The following SMG6 variants were observed in gnomAD, a reference collection of about 807,000 sequenced individuals.
SMG6 encodes the protein telomerase-binding protein EST1A.
A neutral mutation model predicts 142.2 loss-of-function variants in SMG6; 66 were observed. The ratio of observed to expected loss-of-function variants is 0.46; its 90% CI spans 0.38 to 0.57. The LOEUF is 0.57. SMG6 is among the 20% of genes least tolerant of loss of function. SMG6 has a pLI of 0.00. For synonymous variants in SMG6, 779 were observed against 702.4 expected (o/e 1.11, Z -1.72); for missense variants, 1,793 against 1,832.0 (o/e 0.98, Z 0.39).
At chr17:2,195,332 C>T (rs1567674460) in intron 10 of SMG6, among the ~76,000 whole-genome samples, 1 of 152,222 alleles carries the variant, frequency 6.6e-6, no homozygotes, top group Non-Finnish European at 1.5e-5. Flanking sequence ...TCATCAACAA[C>T]ATCCAGAAGC....
At chr17:2,103,867 C>T (rs995342513) in intron 13 of SMG6, among the ~76,000 whole-genome samples, 1 of 152,070 alleles carries the variant, frequency 6.6e-6, no homozygotes, top group Non-Finnish European at 1.5e-5. Context: ...GGTAAGAAGT[C>T]GTCTCAAGAT....
chr17:2,136,584 AAC>A (rs1315883651), intron 13 of SMG6, among the ~76,000 whole-genome samples: 2 of 152,198 alleles, frequency 1.3e-5, no homozygotes, highest in East Asian at 3.8e-4. Flanking sequence ...ACATATGTTC[AAC>A]ACACACACGC....
At chr17:2,174,667 G>A (rs1023774007) in intron 12 of SMG6, among the ~76,000 whole-genome samples, 2 of 152,296 alleles carry the variant, frequency 1.3e-5, no homozygotes. Context: ...AAGAATCACC[G>A]GAGGGACGAG....
intron 9 of SMG6, among the ~76,000 whole-genome samples, chr17:2,240,408 C>T (rs1163797260): frequency 6.6e-6 from 1 of 151,556 alleles, no homozygotes; most frequent in Non-Finnish European, 1.5e-5. Context: ...TTTTAAAAAA[C>T]GAGCAAGATA....
rs146772252 is a variant in SMG6 at position 2,198,596 on chromosome 17, G to C, written c.2870-10081C>G. Among the ~76,000 whole-genome samples, 87 of 152,262 alleles carry C rather than the reference G, an allele frequency of 5.7e-4. 1 individual carries two copies. The East Asian group carries it at 0.014, about 25-fold the overall frequency. ...AGACATGAAAAATGGGGAAGGACGGGTGAAGGGTGCATAAGACCTCTCTGT... is the reference window on the plus strand; with the variant it reads ...AGACATGAAAAATGGGGAAGGACGGCTGAAGGGTGCATAAGACCTCTCTGT... On this transcript the variant is annotated intron_variant, in intron 10 of 18. Coordinates refer to ENST00000263073, the MANE Select transcript of SMG6 (RefSeq NM_017575.5).
chr17:2,225,248 T>C (rs1023763160), intron 10 of SMG6, among the ~76,000 whole-genome samples: 35 of 149,986 alleles, frequency 2.3e-4, no homozygotes, highest in African/African-American at 8.6e-4. Context: ...GAGGCTGAGG[T>C]GGGGAGATCA....
In SMG6 at chr17:2,060,353, G is replaced by A. The variant is rs1254952721; in HGVS notation, c.*1139C>T. The A allele has an allele frequency of 6.6e-6, 1 of 152,372 alleles. No individual in the cohort carries two copies. The highest frequency in any genetic ancestry group is 1.9e-4 in the East Asian group (1 of 5,182). 9.4% of individuals were successfully genotyped at this position (152,372 alleles called of 1,614,324 possible). On this transcript the variant is annotated 3_prime_UTR_variant, in exon 19 of 19. Coordinates refer to ENST00000263073, the MANE Select transcript of SMG6 (RefSeq NM_017575.5). ...AGTGTCAGTTTTTCCGGGGAGTGAG[G>A]GCAAAGCTAGAAACCAGGTTAGGCG...
Position 2,138,917 on chromosome 17 carries a change from G to A in SMG6, c.3357+33741C>T, listed in dbSNP as rs143120966. Among the ~76,000 whole-genome samples the A allele has an allele frequency of 1.6e-3, 246 of 152,316 alleles. 1 individual carries two copies. The highest frequency in any genetic ancestry group is 5.4e-3 in the African/African-American group (225 of 41,552). Reference sequence around the variant, plus strand: ...CATTTGAAGTGGAGGCTTGGGTCATGCATGGTTTATTTGAAACAAAGCCAT... The same window carrying A: ...CATTTGAAGTGGAGGCTTGGGTCATACATGGTTTATTTGAAACAAAGCCAT... On this transcript the variant is annotated intron_variant, in intron 13 of 18. Transcript: ENST00000263073.
rs536903424 is a variant in SMG6, at chr17:2,292,737, C to T, written c.2259-107G>A. 562 of 1,472,668 alleles carry T rather than the reference C, an allele frequency of 3.8e-4. 1 individual carries two copies. The African/African-American group carries it at 7.1e-3, about 19-fold the overall frequency. The allele number at this position is 1,472,668 out of a possible 1,614,324, so 91.2% of individuals were successfully genotyped here. The stretch of plus-strand genomic sequence containing the variant: ...ACATAAGGTAGAGTGTTAGATGTAA[C>T]CCTGGAGGGGTAAGGCATGACTACA... On this transcript the variant is annotated intron_variant, in intron 5 of 18. Coordinates refer to ENST00000263073, the MANE Select transcript of SMG6 (RefSeq NM_017575.5).
intron 8 of SMG6, chr17:2,256,223 A>C: frequency 6.6e-6 from 1 of 152,414 alleles, no homozygotes; most frequent in East Asian, 1.9e-4. Context: ...AAAAAAAGAA[A>C]ACTTAGGGTT....
chr17:2,098,487 T>G (rs1160629793), intron 13 of SMG6, among the ~76,000 whole-genome samples: 1 of 152,216 alleles, frequency 6.6e-6, no homozygotes, highest in Non-Finnish European at 1.5e-5. Flanking sequence ...GCTGACTTTT[T>G]GGACCAGGGT....
At chr17:2,228,331 C>A (rs542080188) in intron 10 of SMG6, among the ~76,000 whole-genome samples, 1 of 152,136 alleles carries the variant, frequency 6.6e-6, no homozygotes, top group Admixed American at 6.6e-5. Context: ...CAGGTTCAAG[C>A]GATTCTCCTG....
At chr17:2,226,271 G>A (rs1325932718) in intron 10 of SMG6, among the ~76,000 whole-genome samples, 14 of 93,988 alleles carry the variant, frequency 1.5e-4, no homozygotes, top group Non-Finnish European at 1.9e-4. Flanking sequence ...GTGAAACTCC[G>A]TCTCAAAAAA....
chr17:2,121,636 TGTGTGTGTGTAG>T lies in SMG6; in HGVS notation c.3358-35747_3358-35736del, dbSNP rs1476837181. On this transcript the variant is annotated intron_variant, in intron 13 of 18. Coordinates refer to ENST00000263073, the MANE Select transcript of SMG6 (RefSeq NM_017575.5). ...GTGTGTGTGTGTGTGTGTGTGTGTGTGTGTGTGTGTAGAGAGAGAGAGAGTATCACCCAGGCT... is the reference window on the plus strand; with the variant it reads ...GTGTGTGTGTGTGTGTGTGTGTGTGTAGAGAGAGAGAGTATCACCCAGGCT... Among the ~76,000 whole-genome samples the T allele has an allele frequency of 6.4e-4, 43 of 67,550 alleles. 2 individuals are homozygous for T. The South Asian group carries it at 0.014, about 22-fold the overall frequency. 44.3% of individuals were successfully genotyped at this position (67,550 alleles called of 152,430 possible).
At chr17:2,263,893 C>T (rs954325778) in intron 8 of SMG6, among the ~76,000 whole-genome samples, 1 of 152,048 alleles carries the variant, frequency 6.6e-6, no homozygotes, top group Non-Finnish European at 1.5e-5. Flanking sequence ...AATTCTGGCA[C>T]CTTTAAGAGC....
chr17:2,064,317 C>G (rs1042907665), intron 18 of SMG6, among the ~76,000 whole-genome samples: 26 of 152,052 alleles, frequency 1.7e-4, no homozygotes, highest in Non-Finnish European at 1.6e-4. Flanking sequence ...GCAGAAAACC[C>G]TAGTGTCATT....
At chr17:2,258,318 G>A (rs1296989863) in intron 8 of SMG6, among the ~76,000 whole-genome samples, 1 of 152,118 alleles carries the variant, frequency 6.6e-6, no homozygotes, top group African/African-American at 2.4e-5. Context: ...CACTTTGGGA[G>A]GCTGACGCAG....
At chr17:2,213,417 G>A (rs2072921028) in intron 10 of SMG6, among the ~76,000 whole-genome samples, 1 of 152,172 alleles carries the variant, frequency 6.6e-6, no homozygotes, top group African/African-American at 2.4e-5. Context: ...GCCTCTCAGC[G>A]CTAGGCCCTG....
At chr17:2,105,568 A>G (rs1315634516) in intron 13 of SMG6, among the ~76,000 whole-genome samples, 3 of 152,088 alleles carry the variant, frequency 2.0e-5, no homozygotes, top group African/African-American at 7.2e-5. Flanking sequence ...AAATAAATAA[A>G]TAACACTTGC....
Sources: allele counts gnomAD v4.1 joint callset (sites outside exome capture counted in the v4.1 genomes callset), GRCh38; gene constraint gnomAD v4.1.1; transcripts MANE v1.5; gene names NCBI Gene and HGNC (gene_info 2026-07-23, HGNC 2026-07-21).